Variants in DYM observed in about 807,000 individuals in gnomAD.
DYM encodes the protein dymeclin, also known as dyggve-Melchior-Clausen syndrome protein.
Under a neutral mutation model 93.1 loss-of-function variants are expected in DYM, and 78 were observed. That is an observed-to-expected ratio of 0.84 (90% CI 0.70 to 1.01). The LOEUF is 1.01. Among genes scored for constraint, DYM ranks in the 50% least tolerant of loss-of-function variants. DYM has a pLI of 0.00. For synonymous variants in DYM, 321 were observed against 319.7 expected (o/e 1.00, Z -0.04); for missense variants, 789 against 845.0 (o/e 0.93, Z 0.82).
In DYM at chr18:49,292,355, G is replaced by GACAGACAC. The variant is rs769423170; in HGVS notation, c.764-5740_764-5739insGTGTCTGT. ...AGGCAGGCAGACAGACAGACAGACA[G>GACAGACAC]ACACACACACACACACACACACACA... On this transcript the variant is annotated intron_variant, in intron 8 of 17. Transcript: ENST00000675505. 1.1e-3 allele frequency among the ~76,000 whole-genome samples: 96 copies of GACAGACAC among 84,744 alleles called. No homozygotes were observed. In the East Asian group the frequency reaches 0.015, roughly 13 times the overall value. The allele number at this position is 84,744 out of a possible 152,430, so 55.6% of individuals were successfully genotyped here.
At chr18:49,220,575 G>T (rs1431611629) in intron 13 of DYM, among the ~76,000 whole-genome samples, 1 of 151,462 alleles carries the variant, frequency 6.6e-6, no homozygotes, top group East Asian at 1.9e-4. Flanking sequence ...CAATGGAACA[G>T]AACAGAGCCC....
At chr18:49,227,193 CT>C (rs1255380278) in intron 13 of DYM, among the ~76,000 whole-genome samples, 1 of 152,100 alleles carries the variant, frequency 6.6e-6, no homozygotes, top group Non-Finnish European at 1.5e-5. Context: ...TACAAACTGC[CT>C]CTTGGCAAAA....
intron 17 of DYM, among the ~76,000 whole-genome samples, chr18:49,087,157 C>A (rs2078619160): frequency 6.6e-6 from 1 of 152,134 alleles, no homozygotes; most frequent in African/African-American, 2.4e-5. Context: ...ACTTCCCAGT[C>A]TCCAGAACTC....
chr18:49,391,534 C>T, intron 3 of DYM, 59 bp downstream of exon 3: 1 of 1,458,502 alleles, frequency 6.9e-7, no homozygotes, highest in Non-Finnish European at 9.6e-7. Context: ...TCATATTATA[C>T]TATCAAAATC....
At chr18:49,396,358 C>A (rs1021958886) in intron 2 of DYM, among the ~76,000 whole-genome samples, 4 of 152,052 alleles carry the variant, frequency 2.6e-5, no homozygotes, top group Non-Finnish European at 4.4e-5. Flanking sequence ...ATTGAGCATC[C>A]CTTACCCAAA....
intron 8 of DYM, among the ~76,000 whole-genome samples, chr18:49,320,556 C>T (rs2062389255): frequency 6.6e-6 from 1 of 152,104 alleles, no homozygotes; most frequent in Non-Finnish European, 1.5e-5. Flanking sequence ...CTCACTGCAA[C>T]TTTCATCTCC....
intron 14 of DYM, among the ~76,000 whole-genome samples, chr18:49,185,520 A>G (rs747723236): frequency 6.6e-6 from 1 of 152,236 alleles, no homozygotes; most frequent in Non-Finnish European, 1.5e-5. Context: ...TATTTCATCA[A>G]TTACTGAAAT....
intron 15 of DYM, among the ~76,000 whole-genome samples, chr18:49,147,417 GA>G (rs2085286600): frequency 6.6e-6 from 1 of 152,104 alleles, no homozygotes; most frequent in Non-Finnish European, 1.5e-5. Flanking sequence ...GCAACCTAGA[GA>G]ATGGGAGAAA....
At chr18:49,124,156 A>G (rs1267255275) in intron 15 of DYM, among the ~76,000 whole-genome samples, 1 of 152,130 alleles carries the variant, frequency 6.6e-6, no homozygotes, top group Non-Finnish European at 1.5e-5. Flanking sequence ...GCTACTTTAA[A>G]CCCAGGCTAA....
intron 16 of DYM, among the ~76,000 whole-genome samples, chr18:49,107,024 C>A (rs2145764038): frequency 6.6e-6 from 1 of 152,302 alleles, no homozygotes; most frequent in Non-Finnish European, 1.5e-5. Flanking sequence ...TCCATTCTCC[C>A]CGTCACTTTC....
intron 8 of DYM, among the ~76,000 whole-genome samples, chr18:49,288,045 ATACACTAGTATTAAAAT>A (rs1400351276): frequency 6.6e-6 from 1 of 152,182 alleles, no homozygotes; most frequent in East Asian, 1.9e-4. Context: ...AATATTTTAG[ATACACTAGTATTAAAAT>A]TACTTTCACC....
At chr18:49,196,819 C>G (rs906874252) in intron 14 of DYM, among the ~76,000 whole-genome samples, 2 of 151,852 alleles carry the variant, frequency 1.3e-5, no homozygotes, top group African/African-American at 2.4e-5. Flanking sequence ...CTTGCTGGAT[C>G]GGGAATTAGG....
intron 17 of DYM, among the ~76,000 whole-genome samples, chr18:49,086,726 C>T (rs747985012): frequency 1.3e-5 from 2 of 151,958 alleles, no homozygotes; most frequent in Non-Finnish European, 2.9e-5. Context: ...GGCGCGGTGG[C>T]TCTGTAATCC....
chr18:49,185,660 A>G (rs1276012345), intron 14 of DYM, among the ~76,000 whole-genome samples: 2 of 152,246 alleles, frequency 1.3e-5, no homozygotes, highest in Non-Finnish European at 2.9e-5. Flanking sequence ...GTAGAAAAAA[A>G]TAATAGCCAC....
intron 2 of DYM, among the ~76,000 whole-genome samples, chr18:49,392,863 T>C (rs928082385): frequency 6.7e-6 from 1 of 150,162 alleles, no homozygotes; most frequent in Admixed American, 6.6e-5. Flanking sequence ...GGCATGGTGG[T>C]ACACGCCTGT....
At chr18:49,233,836 G>A (rs2093779918) in intron 13 of DYM, among the ~76,000 whole-genome samples, 1 of 151,984 alleles carries the variant, frequency 6.6e-6, no homozygotes, top group African/African-American at 2.4e-5. Context: ...TTCATTAAGA[G>A]TTAGTGCTGG....
intron 10 of DYM, among the ~76,000 whole-genome samples, chr18:49,272,761 C>T (rs2094740288): frequency 6.6e-6 from 1 of 152,090 alleles, no homozygotes; most frequent in African/African-American, 2.4e-5. Context: ...TGTAATTAGA[C>T]TCTTGGAACC....
rs562486525 is a variant in DYM at position 49,362,262 on chromosome 18, C to G, written c.494+899G>C. Among the ~76,000 whole-genome samples the G allele has an allele frequency of 1.1e-4, 16 of 152,194 alleles. No individual in the cohort carries two copies. In the South Asian group the frequency reaches 3.1e-3, roughly 30 times the overall value. On this transcript the variant is annotated intron_variant, in intron 6 of 17. Coordinates refer to ENST00000675505, the MANE Select transcript of DYM (RefSeq NM_001353214.3). ...CCTGTAATCCAGGCACTTTAGGAGG[C>G]TGAGGTGGGAGGATCACTTGAAGCT...
At chr18:49,050,075 A>G (rs2072191097) in intron 17 of DYM, among the ~76,000 whole-genome samples, 1 of 138,748 alleles carries the variant, frequency 7.2e-6, no homozygotes, top group African/African-American at 2.8e-5. Context: ...CAGAGAGGTA[A>G]CTTCCTTTTT....
Sources: allele counts gnomAD v4.1 joint callset (sites outside exome capture counted in the v4.1 genomes callset), GRCh38; gene constraint gnomAD v4.1.1; transcripts MANE v1.5; gene names NCBI Gene and HGNC (gene_info 2026-07-23, HGNC 2026-07-21).